MPHOSPH10: variants seen among roughly 807,000 people sequenced by gnomAD.
MPHOSPH10 encodes the protein U3 small nucleolar ribonucleoprotein MPP10.
In MPHOSPH10, 33 loss-of-function variants were observed where a neutral mutation model predicts 77.3. That is an observed-to-expected ratio of 0.43 (90% CI 0.32 to 0.57). MPHOSPH10 has a LOEUF of 0.57. Ranked by LOEUF, MPHOSPH10 falls within the 20% of genes least tolerant of loss-of-function variation. MPHOSPH10 has a pLI of 0.07. For missense variants in MPHOSPH10, 708 were observed against 780.1 expected (o/e 0.91, Z 1.10); for synonymous variants, 245 against 268.0 (o/e 0.91, Z 0.84).
intron 6 of MPHOSPH10, 83 bp from the exon 7 acceptor site, chr2:71,141,149 T>G: frequency 1.4e-6 from 1 of 736,362 alleles, no homozygotes; most frequent in Non-Finnish European, 1.8e-6. Context: ...TTTATTATAA[T>G]AATATTCCAG....
chr2:71,149,753 C>G, intron 10 of MPHOSPH10, 113 bp from the exon 11 acceptor site: 1 of 936,930 alleles, frequency 1.1e-6, no homozygotes, highest in Non-Finnish European at 1.6e-6. Context: ...TAATTCTAGT[C>G]CTTTTTCATA....
intron 5 of MPHOSPH10, chr2:71,139,089 A>C (rs931801037): frequency 6.2e-5 from 18 of 290,618 alleles, no homozygotes; most frequent in Non-Finnish European, 1.1e-4. Context: ...AAAAAATACT[A>C]CAGTGAACAC....
intron 9 of MPHOSPH10, chr2:71,148,947 GTTGAGAACC>G: frequency 2.3e-6 from 1 of 437,908 alleles, no homozygotes. Context: ...GTGCTGTTAG[GTTGAGAACC>G]CAACTCTCCA....
At chr2:71,144,178 A>C in intron 7 of MPHOSPH10, 1 of 292,526 alleles carries the variant, frequency 3.4e-6, no homozygotes, top group Non-Finnish European at 6.3e-6. Flanking sequence ...GTAAATACCA[A>C]GGTAATTAAA....
chr2:71,141,144 TATA>T (rs1216868355), intron 6 of MPHOSPH10, 85 bp from the exon 7 acceptor site: 22 of 655,542 alleles, frequency 3.4e-5, no homozygotes, highest in African/African-American at 3.1e-4. Context: ...TAATATTTAT[TATA>T]ATAATATTCC....
At chr2:71,149,807 G>A (rs908035313) in intron 10 of MPHOSPH10, 59 bp from the exon 11 acceptor site, 1 of 1,393,434 alleles carries the variant, frequency 7.2e-7, no homozygotes, top group Non-Finnish European at 9.6e-7. Context: ...TACTATTTTT[G>A]GCTTTTTTCA....
In MPHOSPH10 at chr2:71,132,930, C is replaced by A. The variant is rs138723053; in HGVS notation, c.122C>A (p.Ser41Tyr). The change falls in exon 2 of 11, where the codon TCT becomes TAT. Residue 41 changes from serine to tyrosine, a missense_variant. Ser to Tyr is a moderately radical substitution (Grantham distance 144). This residue lies in a region of MPHOSPH10 where 433 missense variants were observed against 432.6 expected (regional missense o/e 1.00). Transcript: ENST00000244230. Reference protein sequence around the residue: ...IQEGLASKFTSLTKVLYDFNK... With the variant: ...IQEGLASKFTYLTKVLYDFNK... ...GAGGGATTGGCATCAAAGTTCACTT[C>A]TTTAACAAAAGTGCTTTATGACTTT... 10,060 of 1,610,868 alleles carry A rather than the reference C, an allele frequency of 6.2e-3. 217 individuals carry two copies. In the African/African-American group the frequency reaches 0.064, roughly 10 times the overall value.
intron 5 of MPHOSPH10, 189 bp downstream of exon 5, chr2:71,138,820 A>C: frequency 1.3e-6 from 1 of 773,030 alleles, no homozygotes; most frequent in Non-Finnish European, 2.2e-6. Flanking sequence ...GGATCACCTG[A>C]GGTCAGGAGT....
chr2:71,133,395 A>T lies in MPHOSPH10; in HGVS notation c.587A>T (p.Glu196Val), dbSNP rs140167417. 1.4e-5 allele frequency: 23 copies of T among 1,614,072 alleles called. No homozygotes were observed. The highest frequency in any genetic ancestry group is 1.9e-5 in the Non-Finnish European group (22 of 1,180,040). The change falls in exon 2 of 11, where the codon GAA becomes GTA. Residue 196 changes from glutamate (E) to valine (V), a missense_variant. This residue lies in a region of MPHOSPH10 where 433 missense variants were observed against 432.6 expected (regional missense o/e 1.00). Coordinates refer to ENST00000244230, the MANE Select transcript of MPHOSPH10 (RefSeq NM_005791.3). ...VQNKGQGKPR[E>V]KSIVDDKFFK... Reference sequence around the variant, plus strand: ...AACAAAGGACAGGGAAAACCAAGAGAAAAGTCCATAGTAGATGATAAATTC... The same window carrying T: ...AACAAAGGACAGGGAAAACCAAGAGTAAAGTCCATAGTAGATGATAAATTC...
In MPHOSPH10 at chr2:71,139,614, G is replaced by A. The variant is rs559297414; in HGVS notation, c.1241-181G>A. Among the ~76,000 whole-genome samples, 25 of 152,330 alleles carry A rather than the reference G, an allele frequency of 1.6e-4. No individual in the cohort carries two copies. The East Asian group carries it at 4.4e-3, about 27-fold the overall frequency. On this transcript the variant is annotated intron_variant, in intron 5 of 10. Transcript: ENST00000244230. ...AACTTCAGGGAGCATCACAAGGCTTGTTAAAGCACAGATAGCTGTCCCTCT... is the reference window on the plus strand; with the variant it reads ...AACTTCAGGGAGCATCACAAGGCTTATTAAAGCACAGATAGCTGTCCCTCT...
chr2:71,145,434 G>C lies in MPHOSPH10; in HGVS notation c.1557+896G>C, dbSNP rs373544248. On this transcript the variant is annotated intron_variant, in intron 8 of 10. Coordinates refer to ENST00000244230, the MANE Select transcript of MPHOSPH10 (RefSeq NM_005791.3). ...TCCTTTATTATTAGTTGATGGCTAG[G>C]TGATTCCCATGCAAATATTTTATCT... Among the ~76,000 whole-genome samples, 311 of 151,720 alleles carry C rather than the reference G, an allele frequency of 2.0e-3. 16 individuals carry two copies. In the South Asian group the frequency reaches 0.062, roughly 30 times the overall value.
chr2:71,149,185 T>A (rs1673770298), intron 9 of MPHOSPH10, 38 bp from the exon 10 acceptor site: 2 of 1,511,148 alleles, frequency 1.3e-6, no homozygotes, highest in South Asian at 2.6e-5. Context: ...GTTGTTAAAC[T>A]TGATGAATGA....
rs375886818 is a variant in MPHOSPH10 at position 71,133,585 on chromosome 2, T to G, written c.768+9T>G. Reference sequence around the variant, plus strand: ...GAAGTAAAAAACTTAAGGTAAAGTTTTGAGAGAAGAGAGAGCACTTTCCTC... The same window carrying G: ...GAAGTAAAAAACTTAAGGTAAAGTTGTGAGAGAAGAGAGAGCACTTTCCTC... On this transcript the variant is annotated intron_variant, in intron 2 of 10. Coordinates refer to ENST00000244230, the MANE Select transcript of MPHOSPH10 (RefSeq NM_005791.3). The G allele has an allele frequency of 1.9e-5, 29 of 1,539,426 alleles. No individual in the cohort carries two copies. Among genetic ancestry groups the G allele is most frequent in the African/African-American group, 4.5e-5 (3 of 66,906 alleles).
At chr2:71,135,044 G>A (rs1475910455) in intron 4 of MPHOSPH10, among the ~76,000 whole-genome samples, 4 of 152,180 alleles carry the variant, frequency 2.6e-5, no homozygotes, top group Non-Finnish European at 4.4e-5. Context: ...ATGTGTGCCT[G>A]TAGTCCAGCT....
intron 4 of MPHOSPH10, among the ~76,000 whole-genome samples, chr2:71,136,913 AACACACACACACACACACAC>A (rs56768441): frequency 7.5e-4 from 89 of 119,078 alleles, no homozygotes; most frequent in East Asian, 5.9e-3. Flanking sequence ...GTAGCATTAA[AACACACACACACACACACAC>A]ACACACACAC....
chr2:71,133,281 C>G lies in MPHOSPH10; in HGVS notation c.473C>G (p.Ser158Cys). The part of the protein sequence containing the change: ...MGERAENSSK[S>C]DLRKSPVFSD... ...GAGAGAGCTGAAAACTCAAGCAAAT[C>G]TGATCTGAGGAAAAGCCCCGTTTTC... The change falls in exon 2 of 11, where the codon TCT becomes TGT. Residue 158 changes from serine to cysteine, a missense_variant. Physicochemically the swap from Ser to Cys is moderately radical, Grantham distance 112. This residue lies in a region of MPHOSPH10 where 433 missense variants were observed against 432.6 expected (regional missense o/e 1.00). Coordinates refer to ENST00000244230, the MANE Select transcript of MPHOSPH10 (RefSeq NM_005791.3). 1 of 1,614,114 alleles carries G rather than the reference C, an allele frequency of 6.2e-7. No individual in the cohort carries two copies. The highest frequency in any genetic ancestry group is 8.5e-7 in the Non-Finnish European group (1 of 1,180,018).
At chr2:71,130,813 C>T in intron 1 of MPHOSPH10, 59 bp downstream of exon 1, 1 of 1,504,234 alleles carries the variant, frequency 6.6e-7, no homozygotes, top group Non-Finnish European at 9.1e-7. Context: ...ACGCGGGTTG[C>T]AGGCCTCCGG....
intron 7 of MPHOSPH10, chr2:71,144,224 G>T: frequency 2.1e-6 from 1 of 485,374 alleles, no homozygotes; most frequent in South Asian, 2.6e-5. Flanking sequence ...AATGGTTACT[G>T]TAGCTCCTAA....
rs576989267 is a variant in MPHOSPH10, at chr2:71,140,052, A to G, written c.1308+190A>G. Reference sequence around the variant, plus strand: ...TCAGTAGTATCCAGGAAAGACGAGTATTGTGCCTGAGAGGAGCAAGAAGCC... The same window carrying G: ...TCAGTAGTATCCAGGAAAGACGAGTGTTGTGCCTGAGAGGAGCAAGAAGCC... On this transcript the variant is annotated intron_variant, in intron 6 of 10. Coordinates refer to ENST00000244230, the MANE Select transcript of MPHOSPH10 (RefSeq NM_005791.3). 6.6e-5 allele frequency among the ~76,000 whole-genome samples: 10 copies of G among 152,268 alleles called. No homozygotes were observed. In the South Asian group the frequency reaches 2.1e-3, roughly 32 times the overall value.
Sources: allele counts gnomAD v4.1 joint callset (sites outside exome capture counted in the v4.1 genomes callset), GRCh38; gene constraint gnomAD v4.1.1; regional missense constraint gnomAD v4.1.1; transcripts MANE v1.5; gene names NCBI Gene and HGNC (gene_info 2026-07-23, HGNC 2026-07-21).